Variants in DENND4C observed in about 807,000 individuals in gnomAD.
DENND4C encodes DENN domain containing 4C, also known as DENN domain-containing protein 4C.
In DENND4C, 108 loss-of-function variants were observed where a neutral mutation model predicts 203.0. That is an observed-to-expected ratio of 0.53 (90% confidence interval 0.46 to 0.62). The LOEUF (loss-of-function observed/expected upper bound fraction) is 0.62, where lower values mean the gene tolerates loss of function less well. Among genes scored for constraint, DENND4C ranks in the 20% least tolerant of loss-of-function variants. The pLI, the probability that DENND4C is intolerant of heterozygous loss-of-function variation, is 0.00. For synonymous variants in DENND4C, 871 were observed against 792.4 expected, an observed-to-expected ratio of 1.10 and a Z score of -1.67; for missense variants, 2,481 against 2,301.2, an observed-to-expected ratio of 1.08 and a Z score of -1.60.
At chr9:19,302,619 A>G (rs570466222) in intron 9 of DENND4C, among the ~76,000 whole-genome samples, 1 of 152,298 alleles carries the variant, frequency 6.6e-6, no homozygotes, top group South Asian at 2.1e-4. Flanking sequence ...CAGGTGTAAC[A>G]TACCTTTTGT....
At chr9:19,232,083 A>G (rs1820714001) in intron 1 of DENND4C, among the ~76,000 whole-genome samples, 1 of 152,200 alleles carries the variant, frequency 6.6e-6, no homozygotes, top group Admixed American at 6.5e-5. Context: ...CATTAAAGGT[A>G]TCCTTTATTC....
chr9:19,315,819 C>T (rs1390431976), intron 10 of DENND4C, among the ~76,000 whole-genome samples: 1 of 151,842 alleles, frequency 6.6e-6, no homozygotes, highest in Non-Finnish European at 1.5e-5. Context: ...GATTCTTCTG[C>T]CTCAGCCTCC....
intron 30 of DENND4C, among the ~76,000 whole-genome samples, chr9:19,365,273 A>G (rs1205912751): frequency 6.6e-6 from 1 of 152,220 alleles, no homozygotes; most frequent in Non-Finnish European, 1.5e-5. Context: ...TGTGTAATAT[A>G]CTATCAATAG....
Position 19,316,794 on chromosome 9 carries a change from C to G in DENND4C, c.1762C>G (p.Pro588Ala). 1 of 1,613,830 alleles carries G rather than the reference C, an allele frequency of 6.2e-7. No homozygotes were observed. Among genetic ancestry groups the G allele is most frequent in the Non-Finnish European group, 8.5e-7 (1 of 1,179,926 alleles). ...RTYLRPITEA[P>A]SNKATAADSL... Reference sequence around the variant, plus strand: ...ATATCTCAGACCAATCACAGAGGCTCCTTCAAATAAAGCCACAGCTGCTGA... The same window carrying G: ...ATATCTCAGACCAATCACAGAGGCTGCTTCAAATAAAGCCACAGCTGCTGA... The change falls in exon 12 of 33, where the codon CCT (proline) becomes GCT (alanine). Residue 588 changes from proline (P) to alanine (A), a missense_variant. This residue lies in a region of DENND4C where 2,289 missense variants were observed against 2,113.3 expected (regional missense o/e 1.08). Coordinates refer to ENST00000434457, the MANE Select transcript of DENND4C (RefSeq NM_001330640.2).
chr9:19,331,937 T>C (rs377163274), intron 16 of DENND4C, 41 bp from the exon 17 acceptor site: 2 of 1,541,630 alleles, frequency 1.3e-6, no homozygotes, highest in African/African-American at 2.8e-5. Context: ...CTCACCCTAA[T>C]GAATTTTAGT....
At chr9:19,331,883 G>C in intron 16 of DENND4C, 95 bp from the exon 17 acceptor site, 3 of 1,215,170 alleles carry the variant, frequency 2.5e-6, no homozygotes, top group South Asian at 2.9e-5. Flanking sequence ...AGGGGGTCAA[G>C]TTTTACTTAA....
chr9:19,311,610 C>G (rs1190348299), intron 10 of DENND4C, among the ~76,000 whole-genome samples: 1 of 152,046 alleles, frequency 6.6e-6, no homozygotes, highest in African/African-American at 2.4e-5. Context: ...TAGGCAAAGA[C>G]TATGAAGACT....
intron 26 of DENND4C, among the ~76,000 whole-genome samples, chr9:19,355,771 T>C (rs1563836778): frequency 6.6e-6 from 1 of 152,092 alleles, no homozygotes; most frequent in Admixed American, 6.5e-5. Flanking sequence ...AAGTTTGAGG[T>C]CCTCAAAAAA....
At chr9:19,248,321 G>A (rs1825753368) in intron 1 of DENND4C, among the ~76,000 whole-genome samples, 1 of 152,012 alleles carries the variant, frequency 6.6e-6, no homozygotes, top group Non-Finnish European at 1.5e-5. Context: ...TGCCTGGAAT[G>A]TTCTTCCTTT....
Position 19,286,804 on chromosome 9 carries a change from G to T in DENND4C, c.341G>T (p.Gly114Val). 8.1e-7 allele frequency: 1 copy of T among 1,232,048 alleles called. No homozygotes were observed. The highest frequency in any genetic ancestry group is 3.1e-4 in the Middle Eastern group (1 of 3,208). The allele number at this position is 1,232,048 out of a possible 1,614,324, so 76.3% of individuals were successfully genotyped here. A position where few individuals can be genotyped will look rare whatever the true frequency, so the allele number is the denominator to read the frequency against. ...GAAGGGAAAGAACGGCTTATTCCAGGATGTGAAGTGATCCTAGCCACACCC... is the reference window on the plus strand; with the variant it reads ...GAAGGGAAAGAACGGCTTATTCCAGTATGTGAAGTGATCCTAGCCACACCC... ...LYEGKERLIP[G>V]CEVILATPYG... Residue 114 changes from glycine (G) to valine (V), a missense_variant, in exon 3 of 33, where the codon GGA becomes GTA. Coordinates refer to ENST00000434457, the MANE Select transcript of DENND4C (RefSeq NM_001330640.2).
chr9:19,360,510 C>G (rs1331518652), intron 29 of DENND4C, 21 bp downstream of exon 29: 2 of 1,613,756 alleles, frequency 1.2e-6, no homozygotes, highest in Non-Finnish European at 1.7e-6. Context: ...AACTTTTATA[C>G]TTACATTAGT....
chr9:19,282,927 C>G (rs1351213366), intron 2 of DENND4C, among the ~76,000 whole-genome samples: 1 of 151,834 alleles, frequency 6.6e-6, no homozygotes, highest in Non-Finnish European at 1.5e-5. Flanking sequence ...CCATATTGGC[C>G]AGGCTGGTTT....
Position 19,311,209 on chromosome 9 carries a change from C to T in DENND4C, c.1488-5208C>T, listed in dbSNP as rs551278489. Among the ~76,000 whole-genome samples, 15 of 152,138 alleles carry T rather than the reference C, an allele frequency of 9.9e-5. No individual in the cohort carries two copies. The South Asian group carries it at 2.9e-3, about 29-fold the overall frequency. Reference sequence around the variant, plus strand: ...CCCAATCTTGGCTCACTGCAACCTCCACCTCCTGGGTTCAAGCAATTCTTG... The same window carrying T: ...CCCAATCTTGGCTCACTGCAACCTCTACCTCCTGGGTTCAAGCAATTCTTG... On this transcript the variant is annotated intron_variant, in intron 10 of 32. Transcript: ENST00000434457.
intron 2 of DENND4C, 140 bp from the exon 3 acceptor site, chr9:19,286,629 A>C: frequency 3.0e-6 from 2 of 675,046 alleles, no homozygotes; most frequent in African/African-American, 1.9e-5. Context: ...TTTGGGAAAC[A>C]ATAGGAGAGA....
chr9:19,276,284 C>G lies in DENND4C; in HGVS notation c.110C>G (p.Thr37Ser). The G allele has an allele frequency of 8.1e-7, 1 of 1,231,814 alleles. No individual in the cohort carries two copies. Among genetic ancestry groups the G allele is most frequent in the Non-Finnish European group, 1.0e-6 (1 of 987,660 alleles). 76.3% of individuals were successfully genotyped at this position (1,231,814 alleles called of 1,614,324 possible). A position where few individuals can be genotyped will look rare whatever the true frequency, so the allele number is the denominator to read the frequency against. Residue 37 changes from threonine to serine, a missense_variant, in exon 2 of 33, where the codon ACT becomes AGT. By Grantham distance (58) the Thr-to-Ser change is moderately conservative. Coordinates refer to ENST00000434457, the MANE Select transcript of DENND4C (RefSeq NM_001330640.2). The stretch of plus-strand genomic sequence containing the variant: ...ATAAATCGTTTAGATACTAAGTCAA[C>G]TGGACCTAAAGCTCCAATTACAGAC... ...QEINRLDTKS[T>S]GPKAPITDIA...
chr9:19,287,098 G>T (rs1271419135), intron 3 of DENND4C, 77 bp downstream of exon 3: 1 of 1,151,834 alleles, frequency 8.7e-7, no homozygotes, highest in Non-Finnish European at 1.1e-6. Flanking sequence ...GTTTACTGTT[G>T]GGTATATACT....
intron 1 of DENND4C, among the ~76,000 whole-genome samples, chr9:19,253,778 T>C (rs959869047): frequency 2.0e-5 from 3 of 152,212 alleles, no homozygotes; most frequent in African/African-American, 4.8e-5. Flanking sequence ...CCAGTGCATT[T>C]AGTCTTGTAA....
intron 1 of DENND4C, among the ~76,000 whole-genome samples, chr9:19,246,414 C>G (rs868441909): frequency 7.2e-5 from 11 of 152,118 alleles, no homozygotes; most frequent in Middle Eastern, 3.2e-3. Context: ...TCCTTCTAGA[C>G]TCTTAGCTGT....
At chr9:19,314,378 T>C (rs994714385) in intron 10 of DENND4C, among the ~76,000 whole-genome samples, 3 of 152,016 alleles carry the variant, frequency 2.0e-5, no homozygotes, top group Non-Finnish European at 4.4e-5. Context: ...CGCTTGAACC[T>C]GGGAGGTGGA....
Sources: gnomAD v4.1 joint callset for allele counts (sites outside exome capture counted in the v4.1 genomes callset) on GRCh38, gnomAD v4.1.1 for gene constraint, gnomAD v4.1.1 regional missense constraint, MANE v1.5 for transcripts, NCBI Gene and HGNC (gene_info 2026-07-23, HGNC 2026-07-21) for gene names.